Variants in SP100 observed in about 807,000 individuals in gnomAD.
SP100 encodes SP100 nuclear body protein, also known as nuclear autoantigen Sp-100.
Under a neutral mutation model 130.0 loss-of-function variants are expected in SP100, and 84 were observed. The observed-to-expected ratio is 0.65, with a 90% CI of 0.54 to 0.77. The LOEUF (loss-of-function observed/expected upper bound fraction) is 0.77. SP100 is among the 30% of genes least tolerant of loss of function. SP100 has a pLI of 0.00. For missense variants in SP100, 978 were observed against 1,052.2 expected (o/e 0.93, Z 0.97); for synonymous variants, 331 against 351.7 (o/e 0.94, Z 0.66).
intron 23 of SP100, chr2:230,510,138 ACT>A (rs1351880259): frequency 6.6e-6 from 1 of 152,612 alleles, no homozygotes. Context: ...CTTGGATCCC[ACT>A]GAGTGGTTTG....
intron 2 of SP100, among the ~76,000 whole-genome samples, chr2:230,430,498 G>C (rs933167624): frequency 2.6e-5 from 4 of 152,218 alleles, no homozygotes; most frequent in African/African-American, 9.6e-5. Context: ...AGGTGCCCAG[G>C]TTCAGTGGGA....
intron 2 of SP100, among the ~76,000 whole-genome samples, chr2:230,430,563 G>T (rs2063068272): frequency 6.6e-6 from 1 of 152,228 alleles, no homozygotes; most frequent in African/African-American, 2.4e-5. Context: ...TCATCAGGAA[G>T]GTAGCATAAA....
chr2:230,444,402 T>A, intron 4 of SP100, 56 bp downstream of exon 4: 1 of 1,377,166 alleles, frequency 7.3e-7, no homozygotes, highest in South Asian at 1.2e-5. Flanking sequence ...TTTCAATAAG[T>A]ATATACTGAT....
At chr2:230,417,827 C>G (rs534968825) in intron 2 of SP100, among the ~76,000 whole-genome samples, 162 bp downstream of exon 2, 1 of 144,122 alleles carries the variant, frequency 6.9e-6, no homozygotes, top group African/African-American at 2.6e-5. Flanking sequence ...TCCTTTTTTT[C>G]GTGATATGGG....
chr2:230,484,631 T>G (rs992099916), intron 17 of SP100, among the ~76,000 whole-genome samples: 3 of 152,138 alleles, frequency 2.0e-5, no homozygotes, highest in Non-Finnish European at 4.4e-5. Flanking sequence ...AGTCTGAGCT[T>G]TGGTGGCAGT....
At chr2:230,482,308 A>G (rs2065871651) in intron 17 of SP100, among the ~76,000 whole-genome samples, 1 of 152,176 alleles carries the variant, frequency 6.6e-6, no homozygotes, top group Non-Finnish European at 1.5e-5. Flanking sequence ...TCCATTCCTA[A>G]GATGGGCAGC....
At chr2:230,446,424 C>T (rs948820451) in intron 4 of SP100, among the ~76,000 whole-genome samples, 7 of 152,186 alleles carry the variant, frequency 4.6e-5, no homozygotes, top group Non-Finnish European at 7.4e-5. Flanking sequence ...TCTGTGATTA[C>T]AGGTGTGAGC....
intron 2 of SP100, among the ~76,000 whole-genome samples, chr2:230,427,176 T>C (rs2149869119): frequency 6.6e-6 from 1 of 152,250 alleles, no homozygotes; most frequent in South Asian, 2.1e-4. Flanking sequence ...TCTTTTTTTT[T>C]CCTTTGGCAG....
Position 230,470,091 on chromosome 2 carries a change from AG to A in SP100, c.1425del (p.Ser476GlnfsTer39). On this transcript the variant is annotated frameshift_variant, in exon 15 of 29. Transcript: ENST00000340126. LOFTEE classifies it high-confidence loss of function. ...AAACCTGCAGCTCATCCCTAAGAAG[AG>A]GGTCAGGTAAAGAAGATTAGGATGC... is the stretch of plus-strand genomic sequence containing the variant. ...QETCSSSLRR[G>X]SGSQPQEPEN... 1 of 1,607,188 alleles carries A rather than the reference AG, an allele frequency of 6.2e-7. No homozygotes were observed. Among genetic ancestry groups the A allele is most frequent in the Non-Finnish European group, 8.5e-7 (1 of 1,176,378 alleles).
intron 2 of SP100, among the ~76,000 whole-genome samples, chr2:230,424,332 A>G (rs1250679860): frequency 6.6e-6 from 1 of 152,218 alleles, no homozygotes; most frequent in Non-Finnish European, 1.5e-5. Flanking sequence ...CTCACATGCT[A>G]TATGGATAAG....
rs1314766971 is a variant in SP100, at chr2:230,465,654, C to G, written c.1142-647C>G. ...TAACTATTGAGTACTGGGCTTAATA[C>G]CTGGGTGATGAAATCATCTGTACAA... On this transcript the variant is annotated intron_variant, in intron 11 of 28. Coordinates refer to ENST00000340126, the MANE Select transcript of SP100 (RefSeq NM_001080391.2). Among the ~76,000 whole-genome samples the G allele has an allele frequency of 1.2e-4, 18 of 152,188 alleles. No individual in the cohort carries two copies. The East Asian group carries it at 3.5e-3, about 29-fold the overall frequency.
chr2:230,515,192 A>G, intron 24 of SP100: 1 of 1,613,706 alleles, frequency 6.2e-7, no homozygotes, highest in Non-Finnish European at 8.5e-7. Context: ...GCTAAAGAGA[A>G]AGGAAAATTT....
intron 7 of SP100, 132 bp from the exon 8 acceptor site, chr2:230,450,040 C>A (rs1396765259): frequency 3.0e-6 from 2 of 666,756 alleles, no homozygotes; most frequent in African/African-American, 1.8e-5. Flanking sequence ...CACCTTCACG[C>A]AGCAATATAT....
At chr2:230,499,046 G>A (rs2150056345) in intron 19 of SP100, among the ~76,000 whole-genome samples, 1 of 152,170 alleles carries the variant, frequency 6.6e-6, no homozygotes, top group East Asian at 1.9e-4. Flanking sequence ...TACAGGACTC[G>A]GTAAAAACTA....
At chr2:230,469,842 G>A (rs1352392002) in intron 14 of SP100, 173 bp from the exon 15 acceptor site, 17 of 1,504,026 alleles carry the variant, frequency 1.1e-5, no homozygotes, top group Non-Finnish European at 1.4e-5. Context: ...AGGGCTCCTG[G>A]AGCAATCTTG....
rs757062256 is a variant in SP100, at chr2:230,462,474, A to G, written c.1013A>G (p.Asp338Gly). The change falls in exon 10 of 29, where the codon GAT (aspartate) becomes GGT (glycine). Residue 338 changes from aspartate (D) to glycine (G), a missense_variant. Asp to Gly is a moderately conservative substitution (Grantham distance 94, BLOSUM62 -1). Coordinates refer to ENST00000340126, the MANE Select transcript of SP100 (RefSeq NM_001080391.2). Reference protein sequence around the residue: ...SEDSEGSTDVDEPLEVFISAP... With the variant: ...SEDSEGSTDVGEPLEVFISAP... The stretch of plus-strand genomic sequence containing the variant: ...GACTCTGAAGGATCCACTGACGTTG[A>G]TGAGCCCTTAGAAGTCTTCATCTCA... 6.2e-7 allele frequency: 1 copy of G among 1,613,896 alleles called. No homozygotes were observed. The highest frequency in any genetic ancestry group is 1.7e-5 in the Admixed American group (1 of 60,018).
At chr2:230,515,027 A>T in intron 24 of SP100, 1 of 1,591,324 alleles carries the variant, frequency 6.3e-7, no homozygotes, top group Non-Finnish European at 8.5e-7. Flanking sequence ...CTAAACATGG[A>T]CAAAGCAGAT....
At chr2:230,539,977 T>A (rs1373159497) in intron 25 of SP100, among the ~76,000 whole-genome samples, 1 of 152,134 alleles carries the variant, frequency 6.6e-6, no homozygotes, top group African/African-American at 2.4e-5. Context: ...CGGGAATGTG[T>A]CTGACTCTAT....
At chr2:230,500,219 G>A (rs1029518929) in intron 19 of SP100, among the ~76,000 whole-genome samples, 1 of 152,146 alleles carries the variant, frequency 6.6e-6, no homozygotes, top group Non-Finnish European at 1.5e-5. Context: ...ATTAAAACTA[G>A]TAGACCCAAG....
Sources: gnomAD v4.1 joint callset for allele counts (sites outside exome capture counted in the v4.1 genomes callset) on GRCh38, gnomAD v4.1.1 for gene constraint, MANE v1.5 for transcripts, NCBI Gene and HGNC (gene_info 2026-07-23, HGNC 2026-07-21) for gene names.